FAM81A: variants seen among roughly 807,000 people sequenced by gnomAD.
The protein encoded by FAM81A is protein FAM81A.
Under a neutral mutation model 46.7 loss-of-function variants are expected in FAM81A, and 19 were observed. The observed-to-expected ratio is 0.41, with a 90% CI of 0.28 to 0.60. FAM81A has a LOEUF of 0.60. Ranked by LOEUF, FAM81A falls within the 20% of genes least tolerant of loss-of-function variation. FAM81A has a pLI of 0.34. For synonymous variants in FAM81A, 183 were observed against 152.9 expected (o/e 1.20, Z -1.45); for missense variants, 377 against 453.5 (o/e 0.83, Z 1.53).
At chr15:59,495,753 C>T (rs1161340731) in intron 4 of FAM81A, among the ~76,000 whole-genome samples, 2 of 152,154 alleles carry the variant, frequency 1.3e-5, no homozygotes, top group African/African-American at 4.8e-5. Flanking sequence ...TTGATTGCAT[C>T]CCCCTGAGGA....
upstream of FAM81A, among the ~76,000 whole-genome samples, chr15:59,437,694 A>G (rs543799576): frequency 2.0e-4 from 31 of 151,842 alleles, no homozygotes; most frequent in African/African-American, 6.5e-4. Flanking sequence ...CTTCTCCCCA[A>G]TTTGAGGTGG....
intron 3 of FAM81A, among the ~76,000 whole-genome samples, chr15:59,461,690 A>G (rs1248349506): frequency 1.3e-5 from 2 of 151,944 alleles, no homozygotes; most frequent in East Asian, 3.9e-4. Context: ...ATTCCTTTTT[A>G]TGTCTGAGTA....
intron 4 of FAM81A, 143 bp from the exon 5 acceptor site, chr15:59,507,070 G>T: frequency 1.8e-6 from 2 of 1,083,884 alleles, no homozygotes; most frequent in Non-Finnish European, 2.6e-6. Flanking sequence ...CCAGCTCTTG[G>T]AATTCATTTG....
intron 1 of FAM81A, chr15:59,401,209 T>G: frequency 1.1e-6 from 1 of 905,654 alleles, no homozygotes; most frequent in Admixed American, 1.7e-5. Flanking sequence ...TAATTATATA[T>G]GAAATTGCTG....
chr15:59,448,639 A>G (rs1258416448), intron 1 of FAM81A, among the ~76,000 whole-genome samples: 1 of 151,882 alleles, frequency 6.6e-6, no homozygotes, highest in Non-Finnish European at 1.5e-5. Flanking sequence ...ATAAATACAT[A>G]AATATATTCT....
At chr15:59,432,518 G>T (rs1159672048) in intron 2 of FAM81A, among the ~76,000 whole-genome samples, 1 of 152,098 alleles carries the variant, frequency 6.6e-6, no homozygotes, top group Non-Finnish European at 1.5e-5. Context: ...GTCTCATTTG[G>T]TTTTTATGCG....
intron 6 of FAM81A, among the ~76,000 whole-genome samples, chr15:59,511,692 C>G (rs1254905427): frequency 6.6e-6 from 1 of 152,168 alleles, no homozygotes; most frequent in Non-Finnish European, 1.5e-5. Context: ...TGCTGTGTCG[C>G]CAGGCTGGAG....
At chr15:59,447,933 TCTC>T (rs555612516) in intron 1 of FAM81A, among the ~76,000 whole-genome samples, 106 of 152,262 alleles carry the variant, frequency 7.0e-4, no homozygotes, top group Non-Finnish European at 1.1e-3. Flanking sequence ...GTGGTTGCCT[TCTC>T]CTTGACTTTG....
At chr15:59,457,396 C>G (rs1220059060) in intron 1 of FAM81A, among the ~76,000 whole-genome samples, 1 of 152,128 alleles carries the variant, frequency 6.6e-6, no homozygotes, top group Non-Finnish European at 1.5e-5. Flanking sequence ...ACCAAGTAAC[C>G]CTTATTTTAC....
intron 8 of FAM81A, 150 bp from the exon 9 acceptor site, chr15:59,521,104 A>T (rs182750477): frequency 8.5e-6 from 7 of 819,506 alleles, no homozygotes; most frequent in South Asian, 2.6e-5. Context: ...GAAACTAGAA[A>T]CTCACCTGTT....
chr15:59,437,757 T>C (rs1447830098), upstream of FAM81A, among the ~76,000 whole-genome samples: 5 of 152,082 alleles, frequency 3.3e-5, no homozygotes, highest in African/African-American at 1.2e-4. Context: ...ATAAGGTATA[T>C]TGGGGCTCTA....
Position 59,449,699 on chromosome 15 carries a change from G to A in FAM81A, c.-77-8851G>A, listed in dbSNP as rs568393379. Among the ~76,000 whole-genome samples the A allele has an allele frequency of 8.6e-5, 13 of 150,320 alleles. No individual in the cohort carries two copies. In the South Asian group the frequency reaches 1.7e-3, roughly 19 times the overall value. ...CGGGAGGCTGAGGCAGGAGAATGGC[G>A]TGAACCCGGGAAGCGGAGCTTGCAG... On this transcript the variant is annotated intron_variant, in intron 1 of 8. Transcript: ENST00000288228.
chr15:59,495,977 T>C (rs1211910357), intron 4 of FAM81A, among the ~76,000 whole-genome samples: 10 of 152,192 alleles, frequency 6.6e-5, no homozygotes, highest in African/African-American at 2.4e-4. Flanking sequence ...GGGATGTCTT[T>C]TCATTTTCTC....
intron 2 of FAM81A, among the ~76,000 whole-genome samples, chr15:59,423,131 A>T (rs1416337350): frequency 1.3e-5 from 2 of 151,718 alleles, no homozygotes; most frequent in Non-Finnish European, 2.9e-5. Context: ...GGAGTCTCGC[A>T]CTGTCGCCCA....
At chr15:59,429,180 C>A (rs1476739290) in intron 2 of FAM81A, among the ~76,000 whole-genome samples, 1 of 152,128 alleles carries the variant, frequency 6.6e-6, no homozygotes, top group African/African-American at 2.4e-5. Context: ...TATTCGGATT[C>A]CTAATTCTTT....
At chr15:59,518,877 G>T (rs1383567063) in intron 8 of FAM81A, among the ~76,000 whole-genome samples, 1 of 151,322 alleles carries the variant, frequency 6.6e-6, no homozygotes, top group African/African-American at 2.4e-5. Context: ...TATACATAGT[G>T]AAATAGTTAC....
chr15:59,488,525 A>G (rs1279194889), intron 3 of FAM81A, among the ~76,000 whole-genome samples: 1 of 152,250 alleles, frequency 6.6e-6, no homozygotes, highest in African/African-American at 2.4e-5. Flanking sequence ...AAAAGCCTAA[A>G]GACTCCACCA....
intron 3 of FAM81A, among the ~76,000 whole-genome samples, chr15:59,470,227 G>C (rs190198640): frequency 6.6e-6 from 1 of 152,240 alleles, no homozygotes; most frequent in Non-Finnish European, 1.5e-5. Flanking sequence ...GGTGTTCTCT[G>C]TATTTCCTGA....
At chr15:59,414,024 G>A (rs1185524646) in intron 2 of FAM81A, among the ~76,000 whole-genome samples, 1 of 152,076 alleles carries the variant, frequency 6.6e-6, no homozygotes, top group African/African-American at 2.4e-5. Context: ...CATGATCTCG[G>A]CTCACTGCAA....
Sources: allele counts gnomAD v4.1 joint callset (sites outside exome capture counted in the v4.1 genomes callset), GRCh38; gene constraint gnomAD v4.1.1; transcripts MANE v1.5; gene names NCBI Gene and HGNC (gene_info 2026-07-23, HGNC 2026-07-21).